Variants in ACSL6 observed in about 807,000 individuals in gnomAD.
The protein encoded by ACSL6 is long-chain-fatty-acid--CoA ligase 6.
A neutral mutation model predicts 98.2 loss-of-function variants in ACSL6; 47 were observed. That is an observed-to-expected ratio of 0.48 (90% CI 0.38 to 0.61). The LOEUF (loss-of-function observed/expected upper bound fraction) is 0.61. Among genes scored for constraint, ACSL6 ranks in the 20% least tolerant of loss-of-function variants. The pLI is 0.00. For missense variants in ACSL6, 761 were observed against 913.4 expected (o/e 0.83, Z 2.15); for synonymous variants, 362 against 336.9 (o/e 1.07, Z -0.82).
At chr5:132,007,971 T>C (rs746103568) in intron 1 of ACSL6, among the ~76,000 whole-genome samples, 1 of 152,206 alleles carries the variant, frequency 6.6e-6, no homozygotes, top group Non-Finnish European at 1.5e-5. Flanking sequence ...TGAATCCTTA[T>C]AACCACAAGG....
Position 131,967,933 on chromosome 5 carries a change from T to C in ACSL6, c.1596+7A>G. 6.2e-7 allele frequency: 1 copy of C among 1,613,498 alleles called. No homozygotes were observed. Among genetic ancestry groups the C allele is most frequent in the Non-Finnish European group, 8.5e-7 (1 of 1,179,486 alleles). On this transcript the variant is annotated splice_region_variant and intron_variant, in intron 16 of 20. Transcript: ENST00000651883. ...CCACAGGCATGAATGGCTAAATCCT[T>C]GTTTACCTCTCCCTCTCCTTTGCAG...
At chr5:132,008,452 T>C (rs1296707677) in intron 1 of ACSL6, among the ~76,000 whole-genome samples, 2 of 152,184 alleles carry the variant, frequency 1.3e-5, no homozygotes, top group Non-Finnish European at 2.9e-5. Flanking sequence ...GGTGGGGGCT[T>C]ATCTCTTCTC....
At chr5:131,986,744 T>C in intron 8 of ACSL6, 78 bp downstream of exon 8, 2 of 1,541,954 alleles carry the variant, frequency 1.3e-6, no homozygotes, top group African/African-American at 2.7e-5. Flanking sequence ...TGCTGTTCTG[T>C]GCACAGTGAG....
intron 1 of ACSL6, 101 bp from the exon 2 acceptor site, chr5:131,994,352 G>T (rs1388552937): frequency 2.9e-6 from 3 of 1,048,864 alleles, no homozygotes; most frequent in African/African-American, 3.2e-5. Context: ...ACACTGTAGG[G>T]CAGGCCCTCG....
intron 1 of ACSL6, among the ~76,000 whole-genome samples, chr5:131,998,597 ACT>A (rs1754908752): frequency 6.6e-6 from 1 of 151,590 alleles, no homozygotes; most frequent in African/African-American, 2.4e-5. Flanking sequence ...GGCTCCAAGA[ACT>A]CTCTGCTGGT....
Position 131,988,414 on chromosome 5 carries a change from G to A in ACSL6, c.653-188C>T, listed in dbSNP as rs547120234. ...GCCGTGGGTCCTGGGCGGAACCAAG[G>A]GCAGAAGGCCATGGAACCTCCTCAA... is the stretch of plus-strand genomic sequence containing the variant. On this transcript the variant is annotated intron_variant, in intron 6 of 20. Coordinates refer to ENST00000651883, the MANE Select transcript of ACSL6 (RefSeq NM_001009185.3). 743 of 1,308,294 alleles carry A rather than the reference G, an allele frequency of 5.7e-4. 1 individual carries two copies. Among genetic ancestry groups the A allele is most frequent in the Non-Finnish European group, 7.7e-4 (723 of 942,066 alleles). 81.0% of individuals were successfully genotyped at this position (1,308,294 alleles called of 1,614,324 possible). A position where few individuals can be genotyped will look rare whatever the true frequency, so the allele number is the denominator to read the frequency against.
chr5:131,976,577 TAA>T (rs982994501), intron 10 of ACSL6, 69 bp downstream of exon 10: 2 of 1,258,912 alleles, frequency 1.6e-6, no homozygotes, highest in Non-Finnish European at 2.2e-6. Flanking sequence ...AACAAACAAA[TAA>T]AAAAAAATCC....
chr5:131,962,063 C>G (rs1275318654), intron 18 of ACSL6, among the ~76,000 whole-genome samples: 1 of 147,294 alleles, frequency 6.8e-6, no homozygotes, highest in African/African-American at 2.5e-5. Flanking sequence ...CCTGTAGTCC[C>G]AGCTATTGGG....
At chr5:131,970,480 A>G (rs895643413) in intron 14 of ACSL6, among the ~76,000 whole-genome samples, 5 of 146,758 alleles carry the variant, frequency 3.4e-5, no homozygotes, top group African/African-American at 1.3e-4. Context: ...CGTGATCTCC[A>G]CTCACTGCAA....
At chr5:131,961,973 C>T (rs1465676771) in intron 18 of ACSL6, among the ~76,000 whole-genome samples, 2 of 151,386 alleles carry the variant, frequency 1.3e-5, no homozygotes, top group Non-Finnish European at 2.9e-5. Flanking sequence ...CTCAGGAGTT[C>T]GAGACTAGCC....
Position 131,962,577 on chromosome 5 carries a change from G to T in ACSL6, c.1815C>A (p.Ser605Arg). 1 of 1,614,080 alleles carries T rather than the reference G, an allele frequency of 6.2e-7. No homozygotes were observed. Among genetic ancestry groups the T allele is most frequent in the Middle Eastern group, 1.7e-4 (1 of 6,060 alleles). ...GGACATAGATTTGCGCCACAGGTTG[G>T]CTCCGGATGTAGATGTTCTCAATCT... is the stretch of plus-strand genomic sequence containing the variant. ...PEKIENIYIR[S>R]QPVAQIYVHG... The change falls in exon 18 of 21, where the codon AGC (serine) becomes AGA (arginine). Residue 605 changes from serine (S) to arginine (R), a missense_variant. Physicochemically the swap from Ser to Arg is moderately radical, Grantham distance 110. Coordinates refer to ENST00000651883, the MANE Select transcript of ACSL6 (RefSeq NM_001009185.3).
intron 1 of ACSL6, among the ~76,000 whole-genome samples, chr5:131,996,085 C>T (rs181214565): frequency 6.6e-6 from 1 of 152,290 alleles, no homozygotes; most frequent in East Asian, 1.9e-4. Context: ...TGGGAACACT[C>T]ATCAGCCACC....
chr5:131,972,793 T>C lies in ACSL6; in HGVS notation c.1269A>G (p.Gln423=), dbSNP rs1753382780. Residue 423 remains glutamine (Q), a synonymous_variant, in exon 13 of 21, where the codon CAA becomes CAG. Coordinates refer to ENST00000651883, the MANE Select transcript of ACSL6 (RefSeq NM_001009185.3). ...TGATGATTCCACTCCGGACCTCGGC[T>C]TGCTTACGCTTTGCTGCAAACTCCA... is the stretch of plus-strand genomic sequence containing the variant. ...WLLEFAAKRK[Q]AEVRSGIIRN... 1 of 1,614,122 alleles carries C rather than the reference T, an allele frequency of 6.2e-7. No homozygotes were observed. The highest frequency in any genetic ancestry group is 1.1e-5 in the South Asian group (1 of 91,092).
At chr5:132,005,939 C>T (rs1404390512) in intron 1 of ACSL6, among the ~76,000 whole-genome samples, 3 of 152,206 alleles carry the variant, frequency 2.0e-5, no homozygotes, top group African/African-American at 7.2e-5. Flanking sequence ...AAGTCTGTTC[C>T]TGGCCCTAAC....
intron 1 of ACSL6, among the ~76,000 whole-genome samples, chr5:132,003,292 C>T (rs1755193356): frequency 6.6e-6 from 1 of 152,214 alleles, no homozygotes; most frequent in South Asian, 2.1e-4. Flanking sequence ...CTCTGGAGGT[C>T]AGGCGGCACA....
chr5:132,010,029 G>A (rs2126976965), intron 1 of ACSL6, among the ~76,000 whole-genome samples: 1 of 152,196 alleles, frequency 6.6e-6, no homozygotes, highest in South Asian at 2.1e-4. Context: ...TGGCTGTTAC[G>A]ACCACCATCA....
At chr5:131,991,520 T>G (rs993831363) in intron 2 of ACSL6, among the ~76,000 whole-genome samples, 1 of 152,048 alleles carries the variant, frequency 6.6e-6, no homozygotes, top group South Asian at 2.1e-4. Flanking sequence ...CCTAGGAGGC[T>G]AGGGAGGGAG....
In ACSL6 at chr5:131,950,948, C is replaced by A. The variant is rs1467459328; in HGVS notation, c.*3286G>T. ...CATAAAATGTTTAATCCTTGGATTT[C>A]TGAGTTTATGAGTTCCTAATACATG... On this transcript the variant is annotated 3_prime_UTR_variant, in exon 21 of 21. Coordinates refer to ENST00000651883, the MANE Select transcript of ACSL6 (RefSeq NM_001009185.3). 5.2e-6 allele frequency: 1 copy of A among 192,180 alleles called. No homozygotes were observed. Among genetic ancestry groups the A allele is most frequent in the Non-Finnish European group, 1.1e-5 (1 of 91,892 alleles). 11.9% of individuals were successfully genotyped at this position (192,180 alleles called of 1,614,324 possible).
At chr5:131,972,102 A>G (rs905253514) in intron 13 of ACSL6, among the ~76,000 whole-genome samples, 1 of 152,240 alleles carries the variant, frequency 6.6e-6, no homozygotes, top group Non-Finnish European at 1.5e-5. Flanking sequence ...GAGGACGAAG[A>G]ATACTTGAAA....
Sources: gnomAD v4.1 joint callset for allele counts (sites outside exome capture counted in the v4.1 genomes callset) on GRCh38, gnomAD v4.1.1 for gene constraint, MANE v1.5 for transcripts, NCBI Gene and HGNC (gene_info 2026-07-23, HGNC 2026-07-21) for gene names.